The following DLGAP1 variants were observed in gnomAD, a reference collection of about 807,000 sequenced individuals.
The protein encoded by DLGAP1 is DLG associated protein 1, also known as disks large-associated protein 1.
A neutral mutation model predicts 90.8 loss-of-function variants in DLGAP1; 11 were observed. The ratio of observed to expected loss-of-function variants is 0.12; its 90% CI spans 0.08 to 0.20. The LOEUF (loss-of-function observed/expected upper bound fraction) is 0.20, where lower values mean the gene tolerates loss of function less well. DLGAP1 is among the 10% of genes least tolerant of loss of function. DLGAP1 has a pLI of 1.00. For synonymous variants in DLGAP1, 558 were observed against 540.7 expected (o/e 1.03, Z -0.44); for missense variants, 1,050 against 1,333.8 (o/e 0.79, Z 3.31).
At chr18:4,208,809 G>A (rs902988228) in intron 1 of DLGAP1, among the ~76,000 whole-genome samples, 2 of 151,882 alleles carry the variant, frequency 1.3e-5, no homozygotes, top group Non-Finnish European at 2.9e-5. Context: ...GAGGTTGGGG[G>A]GGTGGAGAGA....
intron 2 of DLGAP1, among the ~76,000 whole-genome samples, chr18:4,121,198 T>G (rs2076148419): frequency 6.6e-6 from 1 of 151,942 alleles, no homozygotes; most frequent in Non-Finnish European, 1.5e-5. Flanking sequence ...GAACTGACTG[T>G]GAGAAGAACA....
intron 2 of DLGAP1, among the ~76,000 whole-genome samples, chr18:4,091,610 T>C (rs1333867022): frequency 6.6e-6 from 1 of 152,224 alleles, no homozygotes; most frequent in African/African-American, 2.4e-5. Context: ...TATTGACCTA[T>C]TAAGTTCATT....
chr18:4,346,012 G>T (rs183263375), intron 1 of DLGAP1, among the ~76,000 whole-genome samples: 10 of 152,316 alleles, frequency 6.6e-5, no homozygotes, highest in African/African-American at 2.4e-4. Flanking sequence ...GATCTAAGTA[G>T]TAATCACTTG....
intron 8 of DLGAP1, among the ~76,000 whole-genome samples, chr18:3,579,945 G>T (rs865785333): frequency 2.6e-5 from 4 of 152,190 alleles, no homozygotes; most frequent in Middle Eastern, 6.8e-3. Context: ...GTTCTCATAT[G>T]GTCATTCAAT....
intron 2 of DLGAP1, among the ~76,000 whole-genome samples, chr18:4,125,039 G>A (rs1212074020): frequency 6.6e-6 from 1 of 152,186 alleles, no homozygotes; most frequent in Non-Finnish European, 1.5e-5. Flanking sequence ...GGCCAGCAAA[G>A]GCCAGTGATA....
intron 1 of DLGAP1, among the ~76,000 whole-genome samples, chr18:4,414,455 G>A (rs1208778777): frequency 2.0e-5 from 3 of 152,104 alleles, no homozygotes; most frequent in Admixed American, 1.3e-4. Flanking sequence ...TGCGCATGCT[G>A]GTTCATGCCT....
intron 2 of DLGAP1, among the ~76,000 whole-genome samples, chr18:4,117,504 C>T (rs1412970480): frequency 6.6e-6 from 1 of 152,160 alleles, no homozygotes; most frequent in Non-Finnish European, 1.5e-5. Flanking sequence ...AGTGTGCAGC[C>T]TCGTGTTTAT....
chr18:4,340,080 T>C (rs191913113), intron 1 of DLGAP1, among the ~76,000 whole-genome samples: 164 of 152,352 alleles, frequency 1.1e-3, no homozygotes, highest in Non-Finnish European at 8.8e-5. Flanking sequence ...ACAATGTTTT[T>C]CCTATGCATA....
chr18:3,517,832 AAG>A lies in DLGAP1; in HGVS notation c.2480-9173_2480-9172del, dbSNP rs1555663354. Among the ~76,000 whole-genome samples the A allele has an allele frequency of 1.3e-5, 2 of 151,606 alleles. No individual in the cohort carries two copies. Among genetic ancestry groups the A allele is most frequent in the African/African-American group, 4.8e-5 (2 of 41,256 alleles). ...AACTCTGTCTCGGAAAAAAAAAAAA[AAG>A]AAGAGAGTCACAATGTGTCTCTGAT... On this transcript the variant is annotated intron_variant, in intron 10 of 12. Transcript: ENST00000315677. The surrounding 1 kb of genome is among the most constrained non-coding windows in gnomAD (Gnocchi z 4.1).
At chr18:3,872,692 G>A (rs1035384172) in intron 4 of DLGAP1, among the ~76,000 whole-genome samples, 3 of 152,160 alleles carry the variant, frequency 2.0e-5, no homozygotes, top group African/African-American at 7.2e-5. Context: ...ACAAATCACT[G>A]TGTAAAATTG....
At chr18:4,021,675 A>G (rs1599339140) in intron 2 of DLGAP1, among the ~76,000 whole-genome samples, 1 of 151,794 alleles carries the variant, frequency 6.6e-6, no homozygotes, top group Non-Finnish European at 1.5e-5. Context: ...TTGGCTCACT[A>G]CAACCTCCGC....
At chr18:3,518,910 G>A (rs2051003327) in intron 10 of DLGAP1, among the ~76,000 whole-genome samples, 1 of 152,178 alleles carries the variant, frequency 6.6e-6, no homozygotes, top group Non-Finnish European at 1.5e-5. Flanking sequence ...GGACTAATTT[G>A]ATGTCCTTTT....
intron 4 of DLGAP1, among the ~76,000 whole-genome samples, chr18:3,850,910 G>A (rs564042786): frequency 1.7e-4 from 26 of 152,190 alleles, no homozygotes; most frequent in African/African-American, 6.3e-4. Flanking sequence ...AGGAGAAAAA[G>A]ATTTCTAAAT....
At chr18:4,251,734 C>T (rs1188348355) in intron 1 of DLGAP1, among the ~76,000 whole-genome samples, 1 of 152,222 alleles carries the variant, frequency 6.6e-6, no homozygotes, top group Non-Finnish European at 1.5e-5. Context: ...CTGACTCCCA[C>T]TCTATAGTGA....
chr18:4,410,408 C>G (rs1163079595), intron 1 of DLGAP1, among the ~76,000 whole-genome samples: 1 of 152,040 alleles, frequency 6.6e-6, no homozygotes, highest in Admixed American at 6.6e-5. Context: ...AAAGTAGATT[C>G]TAAATAATTC....
chr18:3,517,344 TTCA>T lies in DLGAP1; in HGVS notation c.2480-8686_2480-8684del, dbSNP rs1179781016. ...AAATCTGTTGTTTAGTGTAATCATC[TTCA>T]TCAATGATCTTAGCTAGATCTTCTG... On this transcript the variant is annotated intron_variant, in intron 10 of 12. Transcript: ENST00000315677. This position sits in a 1 kb window ranked among gnomAD's most constrained non-coding sequence, Gnocchi z 4.1. Among the ~76,000 whole-genome samples, 1 of 152,226 alleles carries T rather than the reference TTCA, an allele frequency of 6.6e-6. No individual in the cohort carries two copies. The highest frequency in any genetic ancestry group is 1.9e-4 in the East Asian group (1 of 5,192).
chr18:3,945,140 C>T (rs991403896), intron 3 of DLGAP1, among the ~76,000 whole-genome samples: 6 of 152,144 alleles, frequency 3.9e-5, no homozygotes, highest in African/African-American at 1.4e-4. Flanking sequence ...CAATTTCCCT[C>T]TCTCTAAAAT....
rs1216908016 is a variant in DLGAP1, at chr18:3,895,315, ACAC to A, written c.-72-15178_-72-15176del. 7.6e-4 allele frequency among the ~76,000 whole-genome samples: 113 copies of A among 148,890 alleles called. No homozygotes were observed. In the South Asian group the frequency reaches 0.021, roughly 28 times the overall value. On this transcript the variant is annotated intron_variant, in intron 3 of 12. Transcript: ENST00000315677. ...CACACACACACACACACACACACACACACACATCATCATCATCATCATCATCAT... is the reference window on the plus strand; with the variant it reads ...CACACACACACACACACACACACACAACATCATCATCATCATCATCATCAT...
chr18:3,918,462 G>C (rs2072194757), intron 3 of DLGAP1, among the ~76,000 whole-genome samples: 1 of 152,148 alleles, frequency 6.6e-6, no homozygotes, highest in South Asian at 2.1e-4. Context: ...TAAAAGTTAG[G>C]TGAGAAGAGA....
Sources: gnomAD v4.1 joint callset for allele counts (sites outside exome capture counted in the v4.1 genomes callset) on GRCh38, gnomAD v4.1.1 for gene constraint, Gnocchi (gnomAD v3.1) non-coding constraint, MANE v1.5 for transcripts, NCBI Gene and HGNC (gene_info 2026-07-23, HGNC 2026-07-21) for gene names.